The following IRAG2 variants were observed in gnomAD, a reference collection of about 807,000 sequenced individuals.
IRAG2 encodes inositol 1,4,5-triphosphate receptor associated 2.
Under a neutral mutation model 69.9 loss-of-function variants are expected in IRAG2, and 45 were observed. The ratio of observed to expected loss-of-function variants is 0.64; its 90% CI spans 0.51 to 0.83. IRAG2 has a LOEUF of 0.83. Ranked by LOEUF, IRAG2 falls within the 40% of genes least tolerant of loss-of-function variation. The pLI, the probability that IRAG2 is intolerant of heterozygous loss-of-function variation, is 0.00. For synonymous variants in IRAG2, 193 were observed against 202.4 expected (o/e 0.95, Z 0.40); for missense variants, 520 against 587.0 (o/e 0.89, Z 1.18).
chr12:25,019,646 G>A (rs1181754047), intron 6 of IRAG2, among the ~76,000 whole-genome samples: 2 of 152,112 alleles, frequency 1.3e-5, no homozygotes, highest in Admixed American at 1.3e-4. Flanking sequence ...CAGGATAGGG[G>A]GCATGGTGGG....
intron 1 of IRAG2, among the ~76,000 whole-genome samples, chr12:25,060,223 T>C (rs1259128705): frequency 6.6e-6 from 1 of 152,222 alleles, no homozygotes; most frequent in Non-Finnish European, 1.5e-5. Flanking sequence ...ATAAAGGGCA[T>C]AAATATCAGT....
Position 25,106,989 on chromosome 12 carries a change from A to G in IRAG2, c.1195A>G (p.Thr399Ala). ...EPSGEETVER[T>A]RKPSLSEKKN... ...ATCTGGAGAAGAAACAGTAGAAAGGACAAGGAAGCCAAGTCTTTCTGAAAA... is the reference window on the plus strand; with the variant it reads ...ATCTGGAGAAGAAACAGTAGAAAGGGCAAGGAAGCCAAGTCTTTCTGAAAA... Residue 399 changes from threonine (T) to alanine (A), a missense_variant, in exon 21 of 22, where the codon ACA becomes GCA. Transcript: ENST00000556887. 2 of 1,609,160 alleles carry G rather than the reference A, an allele frequency of 1.2e-6. No homozygotes were observed. Among genetic ancestry groups the G allele is most frequent in the Non-Finnish European group, 1.7e-6 (2 of 1,177,034 alleles).
At chr12:25,057,886 T>G (rs1166180263) in intron 1 of IRAG2, among the ~76,000 whole-genome samples, 2 of 152,218 alleles carry the variant, frequency 1.3e-5, no homozygotes, top group South Asian at 2.1e-4. Flanking sequence ...GTGTTTGTCT[T>G]TTTTCTGTCA....
upstream of IRAG2, among the ~76,000 whole-genome samples, chr12:25,050,410 T>A (rs1307426695): frequency 2.0e-5 from 3 of 151,006 alleles, no homozygotes; most frequent in Non-Finnish European, 3.0e-5. Flanking sequence ...GTGCCTGTAG[T>A]CCCAGCTACC....
At chr12:25,052,602 T>G (rs751886142), upstream of IRAG2, 14 of 397,384 alleles carry the variant, frequency 3.5e-5, no homozygotes, top group Non-Finnish European at 5.8e-5. Flanking sequence ...ATCAGGACTT[T>G]AACCGCTGTA....
intron 11 of IRAG2, among the ~76,000 whole-genome samples, chr12:25,089,020 A>G (rs1465375624): frequency 6.6e-6 from 1 of 152,204 alleles, no homozygotes; most frequent in Non-Finnish European, 1.5e-5. Flanking sequence ...GTAAGATTCA[A>G]ACAAAGCTCA....
intron 21 of IRAG2, 67 bp downstream of exon 21, chr12:25,107,117 G>C (rs1949218971): frequency 2.6e-6 from 2 of 757,722 alleles, no homozygotes; most frequent in African/African-American, 1.8e-5. Context: ...AGGGCTGACA[G>C]TATTAATCCT....
intron 13 of IRAG2, among the ~76,000 whole-genome samples, chr12:25,034,533 G>GA (rs1944690631): frequency 6.6e-6 from 1 of 152,148 alleles, no homozygotes; most frequent in Non-Finnish European, 1.5e-5. Flanking sequence ...TATAACATGG[G>GA]AAGAAATATT....
intron 6 of IRAG2, among the ~76,000 whole-genome samples, chr12:25,070,610 T>C (rs549267186): frequency 4.6e-5 from 7 of 152,366 alleles, no homozygotes; most frequent in Non-Finnish European, 8.8e-5. Flanking sequence ...CATCAGTGTA[T>C]TGGTTTTTGT....
rs200457909 is a variant in IRAG2 at position 25,107,783 on chromosome 12, C to A, written c.1257-34C>A. ...AGGAATGTTTCTAATGACAAATTACCGATTACCAAATTCTATTTGTGTTTT... is the reference window on the plus strand; with the variant it reads ...AGGAATGTTTCTAATGACAAATTACAGATTACCAAATTCTATTTGTGTTTT... On this transcript the variant is annotated intron_variant, in intron 21 of 21. Transcript: ENST00000556887. 2.5e-6 allele frequency: 4 copies of A among 1,593,696 alleles called. No individual in the cohort carries two copies. In the Admixed American group the frequency reaches 5.0e-5, roughly 20 times the overall value.
intron 9 of IRAG2, among the ~76,000 whole-genome samples, chr12:25,029,282 A>G (rs1270986447): frequency 6.6e-6 from 1 of 152,166 alleles, no homozygotes; most frequent in African/African-American, 2.4e-5. Context: ...TCTTTGCAAA[A>G]CACAACTGTG....
intron 6 of IRAG2, among the ~76,000 whole-genome samples, chr12:25,070,994 A>G (rs1375457080): frequency 6.6e-6 from 1 of 152,066 alleles, no homozygotes; most frequent in Non-Finnish European, 1.5e-5. Flanking sequence ...TCTTTTCACT[A>G]TTGAATTGTA....
rs145197807 is a variant in IRAG2, at chr12:25,016,150, C to T, written c.1055+722C>T. Among the ~76,000 whole-genome samples, 35 of 150,720 alleles carry T rather than the reference C, an allele frequency of 2.3e-4. 1 individual carries two copies. The highest frequency in any genetic ancestry group is 8.3e-4 in the African/African-American group (34 of 41,046). On this transcript the variant is annotated intron_variant, in intron 5 of 38. Transcript: ENST00000636465. Reference sequence around the variant, plus strand: ...GGTGGAGATTGCAGTGAGCTGATATCGTGCCATTGTGCTCTAGCCTGGGCG... The same window carrying T: ...GGTGGAGATTGCAGTGAGCTGATATTGTGCCATTGTGCTCTAGCCTGGGCG...
At chr12:25,004,383 A>G in exon 1 of IRAG2, 1 of 1,232,202 alleles carries the variant, frequency 8.1e-7, no homozygotes, top group Non-Finnish European at 1.0e-6. Context: ...GGCATAACCC[A>G]GTGGAAAGCA....
intron 10 of IRAG2, among the ~76,000 whole-genome samples, chr12:25,086,509 G>A (rs750443653): frequency 1.3e-5 from 2 of 152,152 alleles, no homozygotes; most frequent in Non-Finnish European, 2.9e-5. Context: ...TTTGAAAGCT[G>A]ACATATATTT....
At chr12:25,101,949 G>A (rs1948773849) in intron 16 of IRAG2, 1 of 659,738 alleles carries the variant, frequency 1.5e-6, no homozygotes, top group South Asian at 1.5e-5. Context: ...AGACACACAT[G>A]TAGTGCCTAC....
At chr12:25,095,558 G>A in intron 14 of IRAG2, among the ~76,000 whole-genome samples, 1 of 152,032 alleles carries the variant, frequency 6.6e-6, no homozygotes, top group Non-Finnish European at 1.5e-5. Flanking sequence ...GTATTTTGTT[G>A]AGAATGTTTA....
At chr12:25,097,323 T>C (rs1186305645) in intron 15 of IRAG2, 4 of 240,758 alleles carry the variant, frequency 1.7e-5, no homozygotes, top group Admixed American at 5.4e-5. Flanking sequence ...ATCCCTTATA[T>C]AGTGTTATAA....
intron 15 of IRAG2, among the ~76,000 whole-genome samples, chr12:25,099,486 A>G (rs1263815891): frequency 2.0e-5 from 3 of 152,142 alleles, no homozygotes; most frequent in Non-Finnish European, 2.9e-5. Context: ...TACTGTTACC[A>G]TCTTGATCTA....
Sources: gnomAD v4.1 joint callset for allele counts (sites outside exome capture counted in the v4.1 genomes callset) on GRCh38, gnomAD v4.1.1 for gene constraint, MANE v1.5 for transcripts, NCBI Gene and HGNC (gene_info 2026-07-23, HGNC 2026-07-21) for gene names.